TTC3: variants seen among roughly 807,000 people sequenced by gnomAD.
TTC3 encodes tetratricopeptide repeat domain 3, also known as E3 ubiquitin-protein ligase TTC3.
Under a neutral mutation model 249.6 loss-of-function variants are expected in TTC3, and 180 were observed. The ratio of observed to expected loss-of-function variants is 0.72; its 90% CI spans 0.64 to 0.82. TTC3 has a LOEUF of 0.82. TTC3 is among the 40% of genes least tolerant of loss of function. The pLI, the probability that TTC3 is intolerant of heterozygous loss-of-function variation, is 0.00. For synonymous variants in TTC3, 717 were observed against 805.0 expected (o/e 0.89, Z 1.85); for missense variants, 2,061 against 2,398.4 (o/e 0.86, Z 2.94).
intron 1 of TTC3, among the ~76,000 whole-genome samples, chr21:37,078,847 T>G (rs1338365434): frequency 2.0e-5 from 3 of 152,178 alleles, no homozygotes; most frequent in African/African-American, 7.2e-5. Context: ...TGGAAGTGAT[T>G]AGGGTTGTTC....
intron 39 of TTC3, 72 bp from the exon 40 acceptor site, chr21:37,191,262 A>T: frequency 1.0e-6 from 1 of 998,550 alleles, no homozygotes; most frequent in Non-Finnish European, 1.5e-6. Flanking sequence ...GCTCATGTTT[A>T]GATGTTTATT....
In TTC3 at chr21:37,150,173, A is replaced by G. The variant is rs1469477859; in HGVS notation, c.2211+3A>G. The G allele has an allele frequency of 2.5e-6, 4 of 1,606,264 alleles. No individual in the cohort carries two copies. Among genetic ancestry groups the G allele is most frequent in the African/African-American group, 1.3e-5 (1 of 74,584 alleles). The stretch of plus-strand genomic sequence containing the variant: ...GTGGTGGTGAAGTTAAATGTGAAGT[A>G]AGTAATAAAGGGGAAACCTTGTTAG... On this transcript the variant is annotated splice_donor_region_variant and intron_variant, in intron 24 of 45. Coordinates refer to ENST00000355666, the Ensembl canonical transcript of TTC3.
At chr21:37,115,315 G>A (rs1429098856) in intron 11 of TTC3, among the ~76,000 whole-genome samples, 1 of 152,086 alleles carries the variant, frequency 6.6e-6, no homozygotes, top group Non-Finnish European at 1.5e-5. Context: ...CACTATGTGA[G>A]TAAATATTAC....
intron 1 of TTC3, among the ~76,000 whole-genome samples, chr21:37,085,162 T>A (rs1366534664): frequency 6.6e-6 from 1 of 152,192 alleles, no homozygotes; most frequent in Non-Finnish European, 1.5e-5. Flanking sequence ...ATTGATGCCA[T>A]GATGTGTGGG....
At chr21:37,146,682 T>G (rs1326383769) in intron 21 of TTC3, among the ~76,000 whole-genome samples, 1 of 152,162 alleles carries the variant, frequency 6.6e-6, no homozygotes, top group Non-Finnish European at 1.5e-5. Flanking sequence ...GACCAGTGAT[T>G]GCTGGGCCTG....
At position 37,152,961 on chromosome 21, in the gene TTC3, CA is replaced by C. The variant is rs2079624181; in HGVS notation, c.2426del (p.Asn809MetfsTer16). 9 of 1,590,198 alleles carry C rather than the reference CA, an allele frequency of 5.7e-6. No individual in the cohort carries two copies. Among genetic ancestry groups the C allele is most frequent in the Non-Finnish European group, 8.6e-7 (1 of 1,167,044 alleles). ...GTTATTTATCCTTAGAAACTGTAGA[CA>C]ATGTTCAGCGTTGTCAGTTCCTTGA... On this transcript the variant is annotated frameshift_variant, in exon 27 of 46. Transcript: ENST00000355666. LOFTEE classifies it high-confidence loss of function.
intron 6 of TTC3, among the ~76,000 whole-genome samples, 186 bp from the exon 7 acceptor site, chr21:37,091,107 G>A (rs2073208200): frequency 6.6e-6 from 1 of 152,132 alleles, no homozygotes; most frequent in South Asian, 2.1e-4. Flanking sequence ...TGAGTCCATA[G>A]TATCTGTTAA....
chr21:37,096,921 A>G (rs146993383), intron 10 of TTC3: 1 of 275,028 alleles, frequency 3.6e-6, no homozygotes, highest in African/African-American at 2.2e-5. Flanking sequence ...GTAATGTTAT[A>G]GTCCACATTT....
intron 10 of TTC3, chr21:37,097,778 T>C (rs971237009): frequency 1.9e-6 from 1 of 529,090 alleles, no homozygotes; most frequent in Non-Finnish European, 3.4e-6. Flanking sequence ...AGTTTTCTCA[T>C]GAAAGCTGAG....
chr21:37,181,473 A>C (rs976728378), intron 35 of TTC3, among the ~76,000 whole-genome samples: 6 of 152,226 alleles, frequency 3.9e-5, no homozygotes, highest in African/African-American at 1.4e-4. Flanking sequence ...CAGGATTCTT[A>C]AGTAGAGTAG....
chr21:37,095,506 C>A, intron 9 of TTC3, 62 bp downstream of exon 9: 2 of 1,101,650 alleles, frequency 1.8e-6, no homozygotes, highest in South Asian at 1.5e-5. Flanking sequence ...GAATGGTAGT[C>A]AGAAGAAATA....
Position 37,132,909 on chromosome 21 carries a change from C to T in TTC3, c.1443+143C>T, listed in dbSNP as rs374451327. On this transcript the variant is annotated intron_variant, in intron 17 of 45. Coordinates refer to ENST00000355666, the Ensembl canonical transcript of TTC3. ...TATTGTAGTTTTGTAGAGATGGGGT[C>T]TCACTGTGTTGTCCAGGTTGGTTTC... 6.9e-5 allele frequency: 39 copies of T among 565,244 alleles called. No homozygotes were observed. The African/African-American group carries it at 7.7e-4, about 11-fold the overall frequency. The allele number at this position is 565,244 out of a possible 1,614,324, so 35.0% of individuals were successfully genotyped here. A position where few individuals can be genotyped will look rare whatever the true frequency, so the allele number is the denominator to read the frequency against.
chr21:37,091,562 T>C (rs1216095992), intron 7 of TTC3, 149 bp downstream of exon 7: 2 of 274,384 alleles, frequency 7.3e-6, no homozygotes, highest in East Asian at 9.6e-5. Flanking sequence ...AGAATTTCTT[T>C]TTTTTATTAT....
chr21:37,163,855 T>G (rs1222136609), intron 31 of TTC3, among the ~76,000 whole-genome samples, 196 bp from the exon 32 acceptor site: 1 of 152,250 alleles, frequency 6.6e-6, no homozygotes, highest in African/African-American at 2.4e-5. Flanking sequence ...GATTGTCAGA[T>G]ATGATATTTC....
chr21:37,176,593 A>G (rs1434394145), intron 35 of TTC3, among the ~76,000 whole-genome samples: 1 of 152,206 alleles, frequency 6.6e-6, no homozygotes, highest in Non-Finnish European at 1.5e-5. Context: ...CTCTTCAGTC[A>G]TGGGTCCTTG....
At chr21:37,086,539 G>T (rs1568862631) in intron 1 of TTC3, 3 of 152,210 alleles carry the variant, frequency 2.0e-5, no homozygotes, top group Non-Finnish European at 4.4e-5. Flanking sequence ...TAATGTGAGG[G>T]TTTTTTCCTT....
At chr21:37,131,496 G>A (rs758596343) in intron 16 of TTC3, among the ~76,000 whole-genome samples, 47 of 152,142 alleles carry the variant, frequency 3.1e-4, no homozygotes, top group Non-Finnish European at 5.9e-4. Context: ...ACCTTCCTAT[G>A]CATCTCTTCC....
At chr21:37,114,342 GA>G (rs1444712752) in intron 11 of TTC3, among the ~76,000 whole-genome samples, 1 of 151,678 alleles carries the variant, frequency 6.6e-6, no homozygotes, top group Non-Finnish European at 1.5e-5. Flanking sequence ...AAATTTACAA[GA>G]AAAAAACAAC....
chr21:37,102,547 A>G (rs550519680), intron 10 of TTC3, among the ~76,000 whole-genome samples: 1 of 152,354 alleles, frequency 6.6e-6, no homozygotes, highest in Non-Finnish European at 1.5e-5. Flanking sequence ...GGGGCTGGTT[A>G]CTATTAGGTT....
Sources: allele counts gnomAD v4.1 joint callset (sites outside exome capture counted in the v4.1 genomes callset), GRCh38; gene constraint gnomAD v4.1.1; transcripts MANE v1.5; gene names NCBI Gene and HGNC (gene_info 2026-07-23, HGNC 2026-07-21).